Variants in FMO5 observed in about 807,000 individuals in gnomAD.
The protein encoded by FMO5 is flavin-containing monooxygenase 5.
A neutral mutation model predicts 43.6 loss-of-function variants in FMO5; 51 were observed. The ratio of observed to expected loss-of-function variants is 1.17; its 90% CI spans 0.93 to 1.48. The LOEUF is 1.48. FMO5 is among the 40% of genes most tolerant of loss of function. The probability of loss-of-function intolerance (pLI) is 0.00; values close to 1 mark genes in which losing one functional copy is unlikely to be tolerated. For missense variants in FMO5, 644 were observed against 643.0 expected, an observed-to-expected ratio of 1.00 and a Z score of -0.02; for synonymous variants, 187 against 216.5, an observed-to-expected ratio of 0.86 and a Z score of 1.20.
downstream of FMO5, among the ~76,000 whole-genome samples, chr1:147,185,525 C>T (rs145003134): frequency 6.4e-4 from 97 of 152,186 alleles, 1 homozygote; most frequent in African/African-American, 2.2e-3. Context: ...AGGCATTCCA[C>T]AGGTAAATTC....
At chr1:147,197,968 G>C (rs1658302416) in intron 7 of FMO5, among the ~76,000 whole-genome samples, 1 of 152,180 alleles carries the variant, frequency 6.6e-6, no homozygotes, top group Admixed American at 6.5e-5. Context: ...AAGACAAGGT[G>C]GGAAGGAAGA....
intron 7 of FMO5, among the ~76,000 whole-genome samples, chr1:147,194,436 A>G (rs1657551313): frequency 6.6e-6 from 1 of 152,146 alleles, no homozygotes; most frequent in South Asian, 2.1e-4. Flanking sequence ...AATACAGCAC[A>G]CTGTTGGGTC....
intron 7 of FMO5, among the ~76,000 whole-genome samples, chr1:147,192,546 C>A (rs587663780): frequency 2.7e-5 from 4 of 150,866 alleles, no homozygotes; most frequent in African/African-American, 7.5e-5. Context: ...ATCCAACACT[C>A]TGTTGAATAG....
At chr1:147,184,432 T>C, downstream of FMO5, 4 of 1,392,986 alleles carry the variant, frequency 2.9e-6, no homozygotes, top group East Asian at 1.1e-4. This position sits in a 1 kb window ranked among gnomAD's most constrained non-coding sequence, Gnocchi z 4.4. Flanking sequence ...CCTTAATTTT[T>C]ACTTAAAGTT....
intron 2 of FMO5, among the ~76,000 whole-genome samples, chr1:147,222,671 G>A (rs180996399): frequency 2.6e-4 from 39 of 152,298 alleles, no homozygotes; most frequent in South Asian, 4.1e-4. Flanking sequence ...AAGTCAGAGC[G>A]TTATGATGAA....
chr1:147,199,336 C>T (rs587713811), intron 7 of FMO5, among the ~76,000 whole-genome samples: 8 of 152,174 alleles, frequency 5.3e-5, no homozygotes, highest in Admixed American at 1.3e-4. Context: ...GACAGATTGG[C>T]CATGGACAGA....
In FMO5 at chr1:147,187,125, C is replaced by T; in HGVS notation, c.1377G>A (p.Leu459=). Residue 459 remains leucine, a synonymous_variant, in exon 9 of 9, where the codon CTG becomes CTA. Coordinates refer to ENST00000254090, the MANE Select transcript of FMO5 (RefSeq NM_001461.4). ...LLSLAFTDPK[L]ALHLLLGPCT... is the part of the protein sequence containing the mutation. ...AGGGTCCCAGTAATAAGTGTAATGCCAGCTTGGGGTCAGTGAAGGCCAGAG... is the reference window on the plus strand; with the variant it reads ...AGGGTCCCAGTAATAAGTGTAATGCTAGCTTGGGGTCAGTGAAGGCCAGAG... 6.2e-7 allele frequency: 1 copy of T among 1,614,082 alleles called. No individual in the cohort carries two copies. Among genetic ancestry groups the T allele is most frequent in the Non-Finnish European group, 8.5e-7 (1 of 1,180,030 alleles).
intron 6 of FMO5, chr1:147,204,966 T>G (rs901887038): frequency 2.3e-6 from 3 of 1,293,590 alleles, no homozygotes; most frequent in Non-Finnish European, 3.4e-6. Flanking sequence ...ACGTGACCGC[T>G]CAGAAGACCG....
chr1:147,188,614 T>A (rs1292479573), intron 8 of FMO5, among the ~76,000 whole-genome samples: 1 of 149,432 alleles, frequency 6.7e-6, no homozygotes, highest in Non-Finnish European at 1.5e-5. Flanking sequence ...GCAGATTAAA[T>A]AAACTCATAT....
chr1:147,212,105 C>T (rs28381190), intron 5 of FMO5, among the ~76,000 whole-genome samples: 5,599 of 152,288 alleles, frequency 0.037, 143 homozygotes, highest in South Asian at 0.095. Flanking sequence ...GCCAGAGGCA[C>T]ACTCTGAGAA....
Position 147,187,138 on chromosome 1 carries a change from G to A in FMO5, c.1364C>T (p.Thr455Ile). Residue 455 changes from threonine (T) to isoleucine (I), a missense_variant, in exon 9 of 9, where the codon ACT becomes ATT. Physicochemically the swap from Thr to Ile is moderately conservative, Grantham distance 89. Transcript: ENST00000254090. Reference sequence around the variant, plus strand: ...TAAGTGTAATGCCAGCTTGGGGTCAGTGAAGGCCAGAGACAGCAGATTGGG... The same window carrying A: ...TAAGTGTAATGCCAGCTTGGGGTCAATGAAGGCCAGAGACAGCAGATTGGG... ...VRPNLLSLAFTDPKLALHLLL... is the reference protein window; with the variant it reads ...VRPNLLSLAFIDPKLALHLLL... The A allele has an allele frequency of 6.2e-7, 1 of 1,614,034 alleles. No homozygotes were observed. The highest frequency in any genetic ancestry group is 2.2e-5 in the East Asian group (1 of 44,890).
At chr1:147,208,569 A>G in intron 6 of FMO5, 1 of 278,046 alleles carries the variant, frequency 3.6e-6, no homozygotes, top group South Asian at 4.0e-5. Context: ...CCTCCTGAAT[A>G]GCTGGGACTA....
At chr1:147,205,421 T>G (rs1553922061) in intron 6 of FMO5, among the ~76,000 whole-genome samples, 2 of 152,174 alleles carry the variant, frequency 1.3e-5, no homozygotes, top group South Asian at 4.1e-4. Context: ...AAGATCAACA[T>G]GTCCTATGTA....
chr1:147,190,072 C>T (rs1571146963), intron 8 of FMO5, 105 bp downstream of exon 8: 2 of 724,014 alleles, frequency 2.8e-6, no homozygotes, highest in East Asian at 2.7e-5. Context: ...ATAATAGAAT[C>T]TAAATCCTTA....
chr1:147,202,129 A>G (rs1382994271), intron 6 of FMO5, among the ~76,000 whole-genome samples: 1 of 152,118 alleles, frequency 6.6e-6, no homozygotes, highest in African/African-American at 2.4e-5. Flanking sequence ...AATTTATCTC[A>G]AAGTTGTTTT....
chr1:147,215,936 G>A lies in FMO5; in HGVS notation c.142C>T (p.Pro48Ser), dbSNP rs1553924994. The A allele has an allele frequency of 1.9e-6, 3 of 1,603,978 alleles. No individual in the cohort carries two copies. The highest frequency in any genetic ancestry group is 2.2e-5 in the South Asian group (2 of 88,920). The change falls in exon 3 of 9, where the codon CCT becomes TCT. Residue 48 changes from proline to serine, a missense_variant. Physicochemically the swap from Pro to Ser is moderately conservative, Grantham distance 74 (BLOSUM62 -1). Transcript: ENST00000254090. ...IGGLWRFQENPEEGRASIYKS... is the reference protein window; with the variant it reads ...IGGLWRFQENSEEGRASIYKS... ...TAAATACTGGCCCTTCCTTCTTCAGGATTTTCCTGCAATAAATAGAAAGTA... is the reference window on the plus strand; with the variant it reads ...TAAATACTGGCCCTTCCTTCTTCAGAATTTTCCTGCAATAAATAGAAAGTA...
intron 2 of FMO5, among the ~76,000 whole-genome samples, chr1:147,217,061 A>G (rs1008230452): frequency 6.6e-5 from 10 of 151,792 alleles, no homozygotes; most frequent in African/African-American, 1.9e-4. Flanking sequence ...ACCAACATGG[A>G]GAAACCCTGT....
At position 147,201,482 on chromosome 1, in the gene FMO5, A is replaced by G; in HGVS notation, c.853T>C (p.Leu285=). 1 of 1,613,804 alleles carries G rather than the reference A, an allele frequency of 6.2e-7. No individual in the cohort carries two copies. Among genetic ancestry groups the G allele is most frequent in the Non-Finnish European group, 8.5e-7 (1 of 1,179,786 alleles). The part of the protein sequence containing the change: ...KHRALSQHPT[L]NDDLPNRIIS... ...ATACGATTTGGCAGGTCATCATTTA[A>G]GGTTGGATGCTGACTCAGAGCTCTG... The change falls in exon 7 of 9, where the codon TTA becomes CTA. Residue 285 remains leucine (L), a synonymous_variant. Coordinates refer to ENST00000254090, the MANE Select transcript of FMO5 (RefSeq NM_001461.4).
chr1:147,204,582 T>C lies in FMO5; in HGVS notation c.831-3078A>G, dbSNP rs1207908972. On this transcript the variant is annotated intron_variant, in intron 6 of 8. Transcript: ENST00000254090. ...AAACTGACAGGCCAATCCTCAGAAGTTCTTCAGCTAATTCCAGGAGAGCTC... is the reference window on the plus strand; with the variant it reads ...AAACTGACAGGCCAATCCTCAGAAGCTCTTCAGCTAATTCCAGGAGAGCTC... 11 of 1,590,978 alleles carry C rather than the reference T, an allele frequency of 6.9e-6. No homozygotes were observed. In the African/African-American group the frequency reaches 1.5e-4, roughly 21 times the overall value.
Sources: gnomAD v4.1 joint callset for allele counts (sites outside exome capture counted in the v4.1 genomes callset) on GRCh38, gnomAD v4.1.1 for gene constraint, Gnocchi (gnomAD v3.1) non-coding constraint, MANE v1.5 for transcripts, NCBI Gene and HGNC (gene_info 2026-07-23, HGNC 2026-07-21) for gene names.